The following ARMC9 variants were observed in gnomAD, a reference collection of about 807,000 sequenced individuals.
ARMC9 encodes armadillo repeat containing 9.
Under a neutral mutation model 107.0 loss-of-function variants are expected in ARMC9, and 94 were observed. The observed-to-expected ratio is 0.88, with a 90% CI of 0.74 to 1.04. The LOEUF is 1.04. ARMC9 is among the 50% of genes least tolerant of loss of function. The pLI is 0.00. For synonymous variants in ARMC9, 380 were observed against 396.9 expected, an observed-to-expected ratio of 0.96 and a Z score of 0.51; for missense variants, 942 against 1,030.1, an observed-to-expected ratio of 0.91 and a Z score of 1.17.
At position 231,276,776 on chromosome 2, in the gene ARMC9, G is replaced by A. The variant is rs1114167448; in HGVS notation, c.1474+1G>A. 6.2e-7 allele frequency: 1 copy of A among 1,613,838 alleles called. No individual in the cohort carries two copies. Among genetic ancestry groups the A allele is most frequent in the African/African-American group, 1.3e-5 (1 of 74,928 alleles). ...ATGAACCTCTGCCTCCGCAGCACAG[G>A]TCTCAGCCCCGACCCTCATTCTAGT... On this transcript the variant is annotated splice_donor_variant, in intron 15 of 24. Transcript: ENST00000611582. LOFTEE classifies it high-confidence loss of function.
intron 9 of ARMC9, among the ~76,000 whole-genome samples, chr2:231,245,522 A>T (rs763440611): frequency 5.3e-5 from 8 of 152,218 alleles, no homozygotes; most frequent in Non-Finnish European, 1.2e-4. Context: ...TTAGCTAGAA[A>T]GTATACCATT....
intron 7 of ARMC9, among the ~76,000 whole-genome samples, chr2:231,227,894 G>A (rs1300161531): frequency 1.3e-5 from 2 of 152,222 alleles, no homozygotes; most frequent in African/African-American, 4.8e-5. Context: ...GCTCAGAGGG[G>A]ACAGGCCCTG....
At chr2:231,349,749 C>T (rs1355694267) in intron 21 of ARMC9, among the ~76,000 whole-genome samples, 1 of 151,746 alleles carries the variant, frequency 6.6e-6, no homozygotes, top group Non-Finnish European at 1.5e-5. Context: ...CCACTGCAAT[C>T]CAGCCTAGGT....
At chr2:231,249,121 C>T (rs1488628221) in intron 9 of ARMC9, among the ~76,000 whole-genome samples, 1 of 152,174 alleles carries the variant, frequency 6.6e-6, no homozygotes, top group Non-Finnish European at 1.5e-5. Flanking sequence ...GTCTGGCCCC[C>T]AAACTTACTT....
At chr2:231,228,474 C>A (rs560517453) in intron 7 of ARMC9, among the ~76,000 whole-genome samples, 10 of 152,312 alleles carry the variant, frequency 6.6e-5, no homozygotes, top group African/African-American at 2.2e-4. Context: ...ACCTGCGTGG[C>A]CTTGTGGTCT....
intron 10 of ARMC9, among the ~76,000 whole-genome samples, chr2:231,257,602 T>C (rs1451811927): frequency 6.6e-6 from 1 of 152,134 alleles, no homozygotes; most frequent in Non-Finnish European, 1.5e-5. Context: ...ACTGCTAGGG[T>C]TAAAAGCCCA....
intron 18 of ARMC9, among the ~76,000 whole-genome samples, chr2:231,292,231 C>G (rs1214273450): frequency 6.6e-6 from 1 of 150,738 alleles, no homozygotes; most frequent in African/African-American, 2.4e-5. Flanking sequence ...GATTAACAAT[C>G]TCTTATCGTA....
chr2:231,237,781 ATTTTTTTTTTT>A (rs142285288), intron 8 of ARMC9, among the ~76,000 whole-genome samples: 2 of 26,962 alleles, frequency 7.4e-5, no homozygotes, highest in Non-Finnish European at 1.4e-4. Flanking sequence ...ATATATATAT[ATTTTTTTTTTT>A]TTTTTTTTTT....
rs565476410 is a variant in ARMC9, at chr2:231,340,165, G to A, written c.1879-4810G>A. On this transcript the variant is annotated intron_variant, in intron 20 of 24. Transcript: ENST00000611582. ...GGTTGAACAAAGAGAGGCAATGGTG[G>A]AAAAGTTACCAAATTATATGGGGAG... 3.3e-5 allele frequency among the ~76,000 whole-genome samples: 5 copies of A among 152,306 alleles called. No individual in the cohort carries two copies. The South Asian group carries it at 1.0e-3, about 32-fold the overall frequency.
At chr2:231,310,527 T>C (rs865808869) in intron 19 of ARMC9, among the ~76,000 whole-genome samples, 44 of 150,808 alleles carry the variant, frequency 2.9e-4, no homozygotes, top group Middle Eastern at 3.3e-3. Context: ...GGTCGGGAGT[T>C]CACGACCAGC....
intron 24 of ARMC9, chr2:231,370,781 C>T (rs745505092): frequency 4.2e-5 from 10 of 235,682 alleles, no homozygotes; most frequent in African/African-American, 9.3e-5. Context: ...TCCACCTCCA[C>T]GCCCCAACTG....
intron 19 of ARMC9, among the ~76,000 whole-genome samples, chr2:231,310,385 TC>T (rs2042270270): frequency 7.0e-6 from 1 of 142,078 alleles, no homozygotes; most frequent in African/African-American, 2.7e-5. Flanking sequence ...GCCATTGCAC[TC>T]CAGCCTGGGC....
rs867082628 is a variant in ARMC9 at position 231,376,305 on chromosome 2, A to T, written c.*4770A>T. On this transcript the variant is annotated 3_prime_UTR_variant, in exon 25 of 25. Transcript: ENST00000611582. ...CTGGTGAGTCGGGCGGAACAGAGCC[A>T]TATTTCTCTTCTTTCAAAAGCAAAT... is the stretch of plus-strand genomic sequence containing the variant. Among the ~76,000 whole-genome samples the T allele has an allele frequency of 6.6e-6, 1 of 152,208 alleles. No homozygotes were observed. The highest frequency in any genetic ancestry group is 1.5e-5 in the Non-Finnish European group (1 of 68,044).
intron 20 of ARMC9, among the ~76,000 whole-genome samples, chr2:231,343,882 T>C (rs2125582049): frequency 6.6e-6 from 1 of 151,676 alleles, no homozygotes; most frequent in South Asian, 2.1e-4. Flanking sequence ...CTGGGCAACA[T>C]GGCAAGACCT....
At chr2:231,328,426 AT>A (rs967242465) in intron 19 of ARMC9, among the ~76,000 whole-genome samples, 2 of 151,926 alleles carry the variant, frequency 1.3e-5, no homozygotes. Flanking sequence ...CATTTTATCA[AT>A]TTTTTCCTTT....
intron 23 of ARMC9, among the ~76,000 whole-genome samples, chr2:231,365,929 A>G (rs1327843334): frequency 6.6e-6 from 1 of 152,028 alleles, no homozygotes. Flanking sequence ...TATTTTCTCC[A>G]GTGCCAGTGG....
chr2:231,309,289 C>G (rs1196051772), intron 19 of ARMC9, among the ~76,000 whole-genome samples: 1 of 152,042 alleles, frequency 6.6e-6, no homozygotes, highest in African/African-American at 2.4e-5. Flanking sequence ...ATTTATAAAC[C>G]CTATTTGTCC....
intron 23 of ARMC9, among the ~76,000 whole-genome samples, chr2:231,366,858 T>A (rs568257073): frequency 0.037 from 5,282 of 142,892 alleles, 114 homozygotes; most frequent in Non-Finnish European, 0.048. Flanking sequence ...ACCAAACAAA[T>A]TTTTTTTTTT....
chr2:231,248,517 A>G (rs1450493599), intron 9 of ARMC9, among the ~76,000 whole-genome samples: 2 of 152,138 alleles, frequency 1.3e-5, no homozygotes, highest in Non-Finnish European at 2.9e-5. Context: ...TTCTCGTTAA[A>G]AAGCTGGCAG....
Sources: gnomAD v4.1 joint callset for allele counts (sites outside exome capture counted in the v4.1 genomes callset) on GRCh38, gnomAD v4.1.1 for gene constraint, MANE v1.5 for transcripts, NCBI Gene and HGNC (gene_info 2026-07-23, HGNC 2026-07-21) for gene names.